DPP6: variants seen among roughly 807,000 people sequenced by gnomAD.
The protein encoded by DPP6 is dipeptidyl peptidase like 6.
Under a neutral mutation model 122.6 loss-of-function variants are expected in DPP6, and 69 were observed. That is an observed-to-expected ratio of 0.56 (90% CI 0.46 to 0.69). The LOEUF (loss-of-function observed/expected upper bound fraction) is 0.69. Among genes scored for constraint, DPP6 ranks in the 30% least tolerant of loss-of-function variants. DPP6 has a pLI of 0.00. For missense variants in DPP6, 928 were observed against 1,116.9 expected (o/e 0.83, Z 2.41); for synonymous variants, 418 against 433.1 (o/e 0.97, Z 0.43).
chr7:154,621,953 A>G (rs73727320), intron 5 of DPP6, among the ~76,000 whole-genome samples: 4,229 of 152,266 alleles, frequency 0.028, 208 homozygotes, highest in African/African-American at 0.096. Context: ...CAACAATTTT[A>G]GGAGCTTTGT....
At chr7:154,310,213 G>T (rs1222797300) in intron 1 of DPP6, among the ~76,000 whole-genome samples, 1 of 152,208 alleles carries the variant, frequency 6.6e-6, no homozygotes, top group Non-Finnish European at 1.5e-5. Context: ...TTGGGGAAGG[G>T]AAAGAGCTTA....
intron 7 of DPP6, among the ~76,000 whole-genome samples, chr7:154,713,882 G>T (rs1205756841): frequency 6.6e-6 from 1 of 152,156 alleles, no homozygotes; most frequent in Non-Finnish European, 1.5e-5. Context: ...CAGAAAGTGG[G>T]ATTTTCTTTT....
intron 3 of DPP6, among the ~76,000 whole-genome samples, chr7:154,490,210 A>G (rs948740104): frequency 1.3e-5 from 2 of 152,220 alleles, no homozygotes; most frequent in Admixed American, 6.5e-5. Context: ...ACTAAATACA[A>G]CGGTACCAAT....
At chr7:153,988,414 G>C (rs1440697114) in intron 1 of DPP6, among the ~76,000 whole-genome samples, 3 of 152,158 alleles carry the variant, frequency 2.0e-5, no homozygotes, top group Non-Finnish European at 4.4e-5. Context: ...AAGGTGTGGT[G>C]ACGTGTGTGT....
chr7:153,764,231 G>C, the DPP6 span, among the ~76,000 whole-genome samples: 2 of 152,114 alleles, frequency 1.3e-5, no homozygotes, highest in Non-Finnish European at 2.9e-5. Flanking sequence ...AGTGGCTGTG[G>C]GTCTGGAAAC....
chr7:154,415,277 A>C (rs532023606), intron 1 of DPP6, among the ~76,000 whole-genome samples: 2 of 151,842 alleles, frequency 1.3e-5, no homozygotes, highest in Non-Finnish European at 2.9e-5. Context: ...CCAGCTCTTA[A>C]AAGATTACCT....
chr7:154,693,277 G>A (rs112581295), intron 7 of DPP6, among the ~76,000 whole-genome samples: 7 of 152,298 alleles, frequency 4.6e-5, no homozygotes, highest in Non-Finnish European at 7.3e-5. Flanking sequence ...TGACGTGGCC[G>A]AGAAGGAAGG....
chr7:153,874,252 G>GCGCACA, the DPP6 span, among the ~76,000 whole-genome samples: 1 of 150,092 alleles, frequency 6.7e-6, no homozygotes, highest in Non-Finnish European at 1.5e-5. Flanking sequence ...GTGCGCACAT[G>GCGCACA]CACACACACA....
At chr7:154,008,653 CTTTTCTTTTTTTT>C (rs1415529353) in intron 1 of DPP6, among the ~76,000 whole-genome samples, 1 of 140,590 alleles carries the variant, frequency 7.1e-6, no homozygotes, top group East Asian at 2.1e-4. Context: ...AATATTATTT[CTTTTCTTTTTTTT>C]TTTTTTTTTT....
the DPP6 span, among the ~76,000 whole-genome samples, chr7:153,812,126 C>T: frequency 6.6e-6 from 1 of 152,166 alleles, no homozygotes; most frequent in Non-Finnish European, 1.5e-5. Context: ...TTTTCCTCTA[C>T]TCAGAAAAGT....
intron 1 of DPP6, among the ~76,000 whole-genome samples, chr7:154,156,865 A>G (rs1271174847): frequency 1.0e-5 from 1 of 99,312 alleles, no homozygotes; most frequent in African/African-American, 4.9e-5. Flanking sequence ...CCAGAGTAAT[A>G]TAATAAATTT....
At chr7:154,053,173 C>G (rs370476067) in intron 1 of DPP6, 110 bp downstream of exon 1, 1 of 892,304 alleles carries the variant, frequency 1.1e-6, no homozygotes, top group African/African-American at 1.8e-5. Flanking sequence ...GGCGCCCTCC[C>G]CCCGCCCACG....
At chr7:154,735,472 G>T (rs1447433350) in intron 8 of DPP6, among the ~76,000 whole-genome samples, 1 of 152,198 alleles carries the variant, frequency 6.6e-6, no homozygotes, top group Non-Finnish European at 1.5e-5. Flanking sequence ...GACCTATGAG[G>T]TACTGTGCAA....
chr7:154,059,257 A>G (rs1317284951), intron 1 of DPP6: 1 of 145,674 alleles, frequency 6.9e-6, no homozygotes, highest in Admixed American at 6.7e-5. Context: ...GGCTCTTAGG[A>G]CACCCATCGC....
chr7:154,851,033 GCAGA>G (rs767763687), intron 16 of DPP6, among the ~76,000 whole-genome samples: 6 of 152,158 alleles, frequency 3.9e-5, no homozygotes, highest in Admixed American at 6.5e-5. Context: ...CCATGTATGT[GCAGA>G]CAAACATTTA....
intron 1 of DPP6, among the ~76,000 whole-genome samples, chr7:154,299,618 T>G (rs1006372800): frequency 2.6e-5 from 4 of 152,150 alleles, no homozygotes; most frequent in African/African-American, 9.7e-5. Context: ...TTTTAGGGGA[T>G]TGTAAGTTAG....
At chr7:154,794,320 A>G (rs1455785005) in intron 11 of DPP6, 118 bp downstream of exon 11, 1 of 1,374,172 alleles carries the variant, frequency 7.3e-7, no homozygotes, top group African/African-American at 1.5e-5. Flanking sequence ...CCGGCCGCCC[A>G]GCTGCTGCGG....
the DPP6 span, among the ~76,000 whole-genome samples, chr7:153,855,615 A>G: frequency 6.6e-6 from 1 of 152,200 alleles, no homozygotes; most frequent in South Asian, 2.1e-4. Flanking sequence ...TTAGACAGAG[A>G]TTTCTAGTCT....
At chr7:153,862,504 A>G in the DPP6 span, among the ~76,000 whole-genome samples, 1 of 152,230 alleles carries the variant, frequency 6.6e-6, no homozygotes, top group Non-Finnish European at 1.5e-5. Context: ...GTTACAGAAC[A>G]GCCTCAGCCA....
Sources: allele counts gnomAD v4.1 joint callset (sites outside exome capture counted in the v4.1 genomes callset), GRCh38; gene constraint gnomAD v4.1.1; transcripts MANE v1.5; gene names NCBI Gene and HGNC (gene_info 2026-07-23, HGNC 2026-07-21).